KLHL29: variants seen among roughly 807,000 people sequenced by gnomAD.
The protein encoded by KLHL29 is kelch like family member 29.
In KLHL29, 21 loss-of-function variants were observed where a neutral mutation model predicts 80.4. The ratio of observed to expected loss-of-function variants is 0.26; its 90% CI spans 0.19 to 0.38. The LOEUF is 0.38. Among genes scored for constraint, KLHL29 ranks in the 10% least tolerant of loss-of-function variants. The pLI, the probability that KLHL29 is intolerant of heterozygous loss-of-function variation, is 1.00. For missense variants in KLHL29, 867 were observed against 1,223.9 expected (o/e 0.71, Z 4.35); for synonymous variants, 511 against 526.8 (o/e 0.97, Z 0.41).
chr2:23,408,263 TAAAAAAAAAAAAAAAAAAAAA>T lies in KLHL29; in HGVS notation c.-154+22501_-154+22521del, dbSNP rs55790582. Among the ~76,000 whole-genome samples, 29 of 52,686 alleles carry T rather than the reference TAAAAAAAAAAAAAAAAAAAAA, an allele frequency of 5.5e-4. No individual in the cohort carries two copies. In the South Asian group the frequency reaches 0.013, roughly 23 times the overall value. The allele number at this position is 52,686 out of a possible 152,430, so 34.6% of individuals were successfully genotyped here. A position where few individuals can be genotyped will look rare whatever the true frequency, so the allele number is the denominator to read the frequency against. On this transcript the variant is annotated intron_variant, in intron 1 of 13. Transcript: ENST00000486442. ...GAGGAAATTTAGAAGCATTTCACGC[TAAAAAAAAAAAAAAAAAAAAA>T]AAAAAAAAAAAAAAAAATTGAGTTT...
In KLHL29 at chr2:23,527,659, G is replaced by A. The variant is rs956563747; in HGVS notation, c.-45-34493G>A. ...GCAGTAGGATTGGTTCAGTGTTCTC[G>A]AGTTCCAAAACACGCAGCCCACGAA... is the stretch of plus-strand genomic sequence containing the variant. On this transcript the variant is annotated intron_variant, in intron 2 of 13. Transcript: ENST00000486442. 3.3e-5 allele frequency among the ~76,000 whole-genome samples: 5 copies of A among 152,280 alleles called. No individual in the cohort carries two copies. The East Asian group carries it at 5.8e-4, about 18-fold the overall frequency.
chr2:23,706,393 C>A, intron 13 of KLHL29, 88 bp from the exon 14 acceptor site: 1 of 1,062,404 alleles, frequency 9.4e-7, no homozygotes, highest in Non-Finnish European at 1.3e-6. Context: ...GCACAGGCAG[C>A]CTACAACAGG....
At chr2:23,627,003 T>C (rs1669328317) in intron 3 of KLHL29, among the ~76,000 whole-genome samples, 1 of 152,190 alleles carries the variant, frequency 6.6e-6, no homozygotes. Context: ...CATGCTGCCC[T>C]GGTTACCCAC....
intron 1 of KLHL29, among the ~76,000 whole-genome samples, chr2:23,412,596 C>T (rs1364589074): frequency 2.0e-5 from 3 of 152,242 alleles, no homozygotes; most frequent in East Asian, 1.9e-4. Context: ...AGCCTGGGAC[C>T]GCTGGAGCTG....
At chr2:23,533,266 G>A (rs1191715909) in intron 2 of KLHL29, among the ~76,000 whole-genome samples, 3 of 152,194 alleles carry the variant, frequency 2.0e-5, no homozygotes, top group African/African-American at 7.2e-5. Flanking sequence ...GTGGCTGCTT[G>A]TGGGCTAGTC....
intron 3 of KLHL29, among the ~76,000 whole-genome samples, chr2:23,603,612 G>A (rs1483600912): frequency 2.0e-5 from 3 of 152,204 alleles, no homozygotes; most frequent in Non-Finnish European, 4.4e-5. Flanking sequence ...GAGGGAGATC[G>A]AGGAGGCTGG....
chr2:23,626,365 C>G (rs1325972103), intron 3 of KLHL29, among the ~76,000 whole-genome samples: 2 of 152,196 alleles, frequency 1.3e-5, no homozygotes, highest in Non-Finnish European at 2.9e-5. Context: ...TCCTAACAGG[C>G]CACAGGCTGG....
intron 3 of KLHL29, among the ~76,000 whole-genome samples, chr2:23,563,012 G>A (rs1667490560): frequency 6.6e-6 from 1 of 152,222 alleles, no homozygotes; most frequent in South Asian, 2.1e-4. Context: ...CTGCCTTACA[G>A]TTGAGGACAC....
rs1671096933 is a variant in KLHL29, at chr2:23,681,976, G to A, written c.941-2423G>A. On this transcript the variant is annotated intron_variant, in intron 5 of 13. Coordinates refer to ENST00000486442, the MANE Select transcript of KLHL29 (RefSeq NM_052920.2). This position sits in a 1 kb window ranked among gnomAD's most constrained non-coding sequence, Gnocchi z 4.2. The stretch of plus-strand genomic sequence containing the variant: ...GGCTCTCTACCTTGTCTCTAGCCCA[G>A]GCCTCTATCCACCGCCTCCTACCCC... Among the ~76,000 whole-genome samples the A allele has an allele frequency of 6.6e-6, 1 of 152,048 alleles. No individual in the cohort carries two copies. The highest frequency in any genetic ancestry group is 2.4e-5 in the African/African-American group (1 of 41,406).
intron 1 of KLHL29, among the ~76,000 whole-genome samples, chr2:23,386,487 C>A (rs1374175693): frequency 6.6e-6 from 1 of 152,146 alleles, no homozygotes; most frequent in Non-Finnish European, 1.5e-5. Flanking sequence ...TGTGGGGGGA[C>A]GCGGAAAGGA....
At chr2:23,643,060 A>C (rs1356532634) in intron 5 of KLHL29, 1 of 710,698 alleles carries the variant, frequency 1.4e-6, no homozygotes, top group Admixed American at 2.0e-5. Context: ...GGACAAACAA[A>C]GTGGGAAAAT....
intron 5 of KLHL29, among the ~76,000 whole-genome samples, chr2:23,670,911 G>GCA (rs1332625172): frequency 6.0e-5 from 2 of 33,068 alleles, no homozygotes; most frequent in Admixed American, 4.5e-4. Context: ...CTACACACAT[G>GCA]CACGCGCTCT....
rs116457029 is a variant in KLHL29, at chr2:23,680,483, G to A, written c.941-3916G>A. Among the ~76,000 whole-genome samples, 4,984 of 152,308 alleles carry A rather than the reference G, an allele frequency of 0.033. 102 individuals carry two copies. The highest frequency in any genetic ancestry group is 0.087 in the South Asian group (418 of 4,828). ...GTAGGCGGGCATCCCGCTCAAAGCC[G>A]AGGAGACCCAAAAACAACCTCTGGG... On this transcript the variant is annotated intron_variant, in intron 5 of 13. Coordinates refer to ENST00000486442, the MANE Select transcript of KLHL29 (RefSeq NM_052920.2). This position sits in a 1 kb window ranked among gnomAD's most constrained non-coding sequence, Gnocchi z 4.1.
intron 1 of KLHL29, among the ~76,000 whole-genome samples, chr2:23,466,033 G>A (rs983041787): frequency 2.0e-5 from 3 of 151,988 alleles, no homozygotes; most frequent in African/African-American, 4.8e-5. Flanking sequence ...AAGAGACGTC[G>A]AGCAGGGTAA....
At chr2:23,437,898 G>T (rs1329949977) in intron 1 of KLHL29, among the ~76,000 whole-genome samples, 1 of 152,092 alleles carries the variant, frequency 6.6e-6, no homozygotes, top group Non-Finnish European at 1.5e-5. Context: ...AATTACTTTG[G>T]GCAGTATGGC....
At chr2:23,665,310 G>A (rs1307364397) in intron 5 of KLHL29, among the ~76,000 whole-genome samples, 1 of 152,220 alleles carries the variant, frequency 6.6e-6, no homozygotes, top group Non-Finnish European at 1.5e-5. Context: ...CAGGGGCCCA[G>A]AGATTTCTAT....
chr2:23,522,239 C>T (rs1219527453), intron 2 of KLHL29, among the ~76,000 whole-genome samples: 1 of 152,106 alleles, frequency 6.6e-6, no homozygotes, highest in Non-Finnish European at 1.5e-5. Context: ...ACCTCCCCAC[C>T]TCCCAGGTTC....
At chr2:23,553,118 G>C (rs943705578) in intron 2 of KLHL29, among the ~76,000 whole-genome samples, 2 of 152,148 alleles carry the variant, frequency 1.3e-5, no homozygotes, top group African/African-American at 4.8e-5. Flanking sequence ...TCCCCAGCCT[G>C]GAGATCCTGG....
chr2:23,696,058 C>T lies in KLHL29; in HGVS notation c.1849C>T (p.Pro617Ser). 1.9e-6 allele frequency: 3 copies of T among 1,551,792 alleles called. No homozygotes were observed. Among genetic ancestry groups the T allele is most frequent in the Non-Finnish European group, 1.7e-6 (2 of 1,147,006 alleles). The change falls in exon 10 of 14, where the codon CCC (proline) becomes TCC (serine). Residue 617 changes from proline (P) to serine (S), a missense_variant. Physicochemically the swap from Pro to Ser is moderately conservative, Grantham distance 74 (BLOSUM62 -1). Around this residue, in one of 2 missense-constraint regions of KLHL29, gnomAD observed 443 missense variants for 767.0 expected, o/e 0.58. Coordinates refer to ENST00000486442, the MANE Select transcript of KLHL29 (RefSeq NM_052920.2). This position sits in a 1 kb window ranked among gnomAD's most constrained non-coding sequence, Gnocchi z 5.5. Reference sequence around the variant, plus strand: ...GAACCCGCAGAACAACAAGTGGTACCCCTTGGCCTCGCTGCCCTTCTATGA... The same window carrying T: ...GAACCCGCAGAACAACAAGTGGTACTCCTTGGCCTCGCTGCCCTTCTATGA... ...CWNPQNNKWYPLASLPFYDRE... is the reference protein window; with the variant it reads ...CWNPQNNKWYSLASLPFYDRE...
Sources: allele counts gnomAD v4.1 joint callset (sites outside exome capture counted in the v4.1 genomes callset), GRCh38; gene constraint gnomAD v4.1.1; regional missense constraint gnomAD v4.1.1; non-coding constraint Gnocchi (gnomAD v3.1); transcripts MANE v1.5; gene names NCBI Gene and HGNC (gene_info 2026-07-23, HGNC 2026-07-21).